Variants in LNPEP observed in about 807,000 individuals in gnomAD.
LNPEP encodes leucyl and cystinyl aminopeptidase.
Under a neutral mutation model 120.6 loss-of-function variants are expected in LNPEP, and 64 were observed. The ratio of observed to expected loss-of-function variants is 0.53; its 90% CI spans 0.43 to 0.65. The LOEUF is 0.65. Ranked by LOEUF, LNPEP falls within the 30% of genes least tolerant of loss-of-function variation. The pLI is 0.00. For missense variants in LNPEP, 1,057 were observed against 1,200.0 expected (o/e 0.88, Z 1.76); for synonymous variants, 435 against 425.4 (o/e 1.02, Z -0.28).
rs1015827063 is a variant in LNPEP at position 97,010,257 on chromosome 5, T to C, written c.2036-3391T>C. 1.5e-5 allele frequency: 14 copies of C among 963,066 alleles called. No individual in the cohort carries two copies. In the African/African-American group the frequency reaches 1.8e-4, roughly 12 times the overall value. 59.7% of individuals were successfully genotyped at this position (963,066 alleles called of 1,614,324 possible). A position where few individuals can be genotyped will look rare whatever the true frequency, so the allele number is the denominator to read the frequency against. ...ACCTAAGATCTTTAACTATAGGAGA[T>C]TTTCGTATTAAATCTAATGCAAAAC... On this transcript the variant is annotated intron_variant, in intron 11 of 17. Coordinates refer to ENST00000231368, the MANE Select transcript of LNPEP (RefSeq NM_005575.3).
chr5:96,994,087 AT>A, intron 6 of LNPEP, 116 bp downstream of exon 6: 5 of 806,920 alleles, frequency 6.2e-6, no homozygotes, highest in Non-Finnish European at 9.8e-6. Flanking sequence ...GCCTTCTTTT[AT>A]AATAGAAAGA....
chr5:96,971,454 T>C (rs1820149), intron 1 of LNPEP, among the ~76,000 whole-genome samples: 1 of 151,202 alleles, frequency 6.6e-6, no homozygotes, highest in African/African-American at 2.4e-5. Context: ...AACTTAATAA[T>C]ATTTTAACTA....
chr5:97,008,660 C>CTGTTTT lies in LNPEP; in HGVS notation c.2035+2146_2035+2147insGTTTTT, dbSNP rs1158708951. The stretch of plus-strand genomic sequence containing the variant: ...AGCCACCGCACCTGGCTCCTCTTTA[C>CTGTTTT]TCTTTTTTTTTTTTTTTTTTTTGAG... On this transcript the variant is annotated intron_variant, in intron 11 of 17. Coordinates refer to ENST00000231368, the MANE Select transcript of LNPEP (RefSeq NM_005575.3). Among the ~76,000 whole-genome samples, 7 of 69,736 alleles carry CTGTTTT rather than the reference C, an allele frequency of 1.0e-4. 2 individuals are homozygous for CTGTTTT. Among genetic ancestry groups the CTGTTTT allele is most frequent in the African/African-American group, 3.0e-4 (6 of 20,016 alleles). The allele number at this position is 69,736 out of a possible 152,430, so 45.7% of individuals were successfully genotyped here. A position where few individuals can be genotyped will look rare whatever the true frequency, so the allele number is the denominator to read the frequency against.
chr5:96,993,900 G>A lies in LNPEP; in HGVS notation c.1336G>A (p.Asp446Asn). 6.2e-7 allele frequency: 1 copy of A among 1,613,930 alleles called. No homozygotes were observed. The highest frequency in any genetic ancestry group is 8.5e-7 in the Non-Finnish European group (1 of 1,179,848). Residue 446 changes from aspartate (D) to asparagine (N), a missense_variant, in exon 6 of 18, where the codon GAC (aspartate) becomes AAC (asparagine). Physicochemically the swap from Asp to Asn is conservative, Grantham distance 23. Transcript: ENST00000231368. Reference sequence around the variant, plus strand: ...CTTCCGAGAGGAGACACTTCTGTATGACAGTAACACTTCTTCAATGGCGGA... The same window carrying A: ...CTTCCGAGAGGAGACACTTCTGTATAACAGTAACACTTCTTCAATGGCGGA... ...LTFREETLLY[D>N]SNTSSMADRK...
intron 1 of LNPEP, among the ~76,000 whole-genome samples, chr5:96,956,871 T>G (rs538397846): frequency 2.6e-5 from 4 of 152,322 alleles, no homozygotes; most frequent in South Asian, 2.1e-4. Flanking sequence ...TCATTTCTGT[T>G]AATCTTTAAG....
At chr5:96,943,479 G>A (rs1330157608) in intron 1 of LNPEP, among the ~76,000 whole-genome samples, 1 of 152,184 alleles carries the variant, frequency 6.6e-6, no homozygotes, top group African/African-American at 2.4e-5. Flanking sequence ...TAGAGATGGA[G>A]TTTTGCCATG....
In LNPEP at chr5:97,027,766, T is replaced by C. The variant is rs148912386; in HGVS notation, c.2898T>C (p.Ile966=). The part of the protein sequence containing the change: ...FPLGSYTIQN[I]VAGSTYLFST... ...TGGGGTCCTATACCATACAAAATAT[T>C]GTTGCTGGATCAACTTACCTGTTTT... The change falls in exon 17 of 18, where the codon ATT becomes ATC. Residue 966 remains isoleucine, a synonymous_variant. Transcript: ENST00000231368. 9.9e-6 allele frequency: 16 copies of C among 1,610,184 alleles called. No homozygotes were observed. The African/African-American group carries it at 1.9e-4, about 19-fold the overall frequency.
chr5:97,007,948 T>A (rs1216966859), intron 11 of LNPEP, among the ~76,000 whole-genome samples: 1 of 152,220 alleles, frequency 6.6e-6, no homozygotes, highest in African/African-American at 2.4e-5. Context: ...CCAGTTTCAT[T>A]GCAGTTTTAC....
intron 1 of LNPEP, among the ~76,000 whole-genome samples, chr5:96,964,918 T>C (rs1197648282): frequency 1.3e-5 from 2 of 152,166 alleles, no homozygotes. Flanking sequence ...GTTGCTAATA[T>C]TTTCTTGTTT....
At chr5:97,006,578 A>T (rs1790792846) in intron 11 of LNPEP, 63 bp downstream of exon 11, 1 of 872,848 alleles carries the variant, frequency 1.1e-6, no homozygotes, top group African/African-American at 1.7e-5. Context: ...ATCAGAGTGC[A>T]TATATAAGAT....
chr5:96,995,417 T>G (rs992658324), intron 6 of LNPEP, among the ~76,000 whole-genome samples: 1 of 152,196 alleles, frequency 6.6e-6, no homozygotes, highest in Non-Finnish European at 1.5e-5. Flanking sequence ...TTAGATACAT[T>G]TTTTAAGGAG....
At chr5:96,992,482 A>T (rs1174553196) in intron 4 of LNPEP, among the ~76,000 whole-genome samples, 1 of 152,188 alleles carries the variant, frequency 6.6e-6, no homozygotes, top group Non-Finnish European at 1.5e-5. Context: ...GATAATTTCA[A>T]CAAATATGCA....
Position 96,993,121 on chromosome 5 carries a change from C to A in LNPEP, c.1238C>A (p.Pro413Gln). ...CAAAACTACTTTGAAATTCAGTACC[C>A]ACTTAAGAAATTGGGTAAGAATCAA... ...FFQNYFEIQY[P>Q]LKKLDLVAIP... Residue 413 changes from proline to glutamine, a missense_variant, in exon 5 of 18, where the codon CCA (proline) becomes CAA (glutamine). Physicochemically the swap from Pro to Gln is moderately conservative, Grantham distance 76. Transcript: ENST00000231368. 6.3e-7 allele frequency: 1 copy of A among 1,584,898 alleles called. No homozygotes were observed. The highest frequency in any genetic ancestry group is 8.6e-7 in the Non-Finnish European group (1 of 1,163,082).
chr5:97,003,529 TG>T lies in LNPEP; in HGVS notation c.1771del (p.Asp591IlefsTer11). ...SYASIQSDDLWDSFNEVTNQT... is the reference protein window; with the variant it reads ...SYASIQSDDLXDSFNEVTNQT... ...TGCATCTATTCAAAGTGATGATCTGTGGGATAGTTTTAATGAGGTAAGTGAC... is the reference window on the plus strand; with the variant it reads ...TGCATCTATTCAAAGTGATGATCTGTGGATAGTTTTAATGAGGTAAGTGAC... On this transcript the variant is annotated frameshift_variant, in exon 9 of 18. Coordinates refer to ENST00000231368, the MANE Select transcript of LNPEP (RefSeq NM_005575.3). LOFTEE classifies it high-confidence loss of function. 1 of 1,600,002 alleles carries T rather than the reference TG, an allele frequency of 6.2e-7. No individual in the cohort carries two copies.
At chr5:96,974,740 C>T (rs960162811) in intron 1 of LNPEP, among the ~76,000 whole-genome samples, 1 of 152,072 alleles carries the variant, frequency 6.6e-6, no homozygotes, top group African/African-American at 2.4e-5. Context: ...GTCACTGGTT[C>T]CCTGGTTACC....
intron 1 of LNPEP, among the ~76,000 whole-genome samples, chr5:96,940,949 G>A (rs1789036207): frequency 6.6e-6 from 1 of 152,158 alleles, no homozygotes; most frequent in African/African-American, 2.4e-5. Context: ...GAGAAGGTTT[G>A]GGGATGACTC....
intron 2 of LNPEP, among the ~76,000 whole-genome samples, chr5:96,981,492 C>T (rs1790122672): frequency 6.6e-6 from 1 of 152,108 alleles, no homozygotes; most frequent in Non-Finnish European, 1.5e-5. Context: ...CAATCCAGCC[C>T]ATGGCAAGAG....
chr5:97,030,920 C>T lies in LNPEP; in HGVS notation c.*2387C>T, dbSNP rs1791456839. 6.6e-6 allele frequency: 1 copy of T among 151,892 alleles called. No individual in the cohort carries two copies. The highest frequency in any genetic ancestry group is 1.5e-5 in the Non-Finnish European group (1 of 67,970). The allele number at this position is 151,892 out of a possible 1,614,324, so 9.4% of individuals were successfully genotyped here. A position where few individuals can be genotyped will look rare whatever the true frequency, so the allele number is the denominator to read the frequency against. Reference sequence around the variant, plus strand: ...GAACTAACCCATCTATATAGGACTTCTAAAAACTACGTCAGGAATGTAAGG... The same window carrying T: ...GAACTAACCCATCTATATAGGACTTTTAAAAACTACGTCAGGAATGTAAGG... On this transcript the variant is annotated 3_prime_UTR_variant, in exon 18 of 18. Transcript: ENST00000231368.
chr5:96,997,121 A>T (rs1790533196), intron 7 of LNPEP, among the ~76,000 whole-genome samples: 1 of 152,074 alleles, frequency 6.6e-6, no homozygotes, highest in Non-Finnish European at 1.5e-5. Flanking sequence ...GTACTTAGGG[A>T]TATTCAAACA....
Sources: allele counts gnomAD v4.1 joint callset (sites outside exome capture counted in the v4.1 genomes callset), GRCh38; gene constraint gnomAD v4.1.1; transcripts MANE v1.5; gene names NCBI Gene and HGNC (gene_info 2026-07-23, HGNC 2026-07-21).